The following DAB1 variants were observed in gnomAD, a reference collection of about 807,000 sequenced individuals.
DAB1 encodes the protein DAB adaptor protein 1, also known as disabled homolog 1.
DAB1 carries 15 observed loss-of-function variants against 64.6 expected under a neutral mutation model. The observed-to-expected ratio is 0.23, with a 90% CI of 0.16 to 0.36. The LOEUF is 0.36. DAB1 is among the 10% of genes least tolerant of loss of function. The pLI is 1.00. For missense variants in DAB1, 596 were observed against 706.7 expected (o/e 0.84, Z 1.78); for synonymous variants, 235 against 251.9 (o/e 0.93, Z 0.64).
intron 5 of DAB1, among the ~76,000 whole-genome samples, chr1:58,055,281 A>C (rs1490476195): frequency 6.6e-6 from 1 of 152,100 alleles, no homozygotes; most frequent in Non-Finnish European, 1.5e-5. Flanking sequence ...TTCTTCTCAG[A>C]TGCTCCAGGC....
At chr1:58,348,498 A>T (rs1395657178) in intron 3 of DAB1, among the ~76,000 whole-genome samples, 1 of 152,170 alleles carries the variant, frequency 6.6e-6, no homozygotes, top group African/African-American at 2.4e-5. Context: ...TATGTTTAAG[A>T]CTCAAATTTG....
At chr1:58,379,694 T>TA (rs1644370278) in intron 3 of DAB1, among the ~76,000 whole-genome samples, 1 of 152,244 alleles carries the variant, frequency 6.6e-6, no homozygotes, top group Non-Finnish European at 1.5e-5. Flanking sequence ...AATGAGCTGA[T>TA]AGTCTATAGA....
intron 4 of DAB1, among the ~76,000 whole-genome samples, chr1:58,266,390 C>T (rs1295101717): frequency 6.6e-6 from 1 of 152,202 alleles, no homozygotes; most frequent in African/African-American, 2.4e-5. Flanking sequence ...CTTCTCTCTG[C>T]TGCCAGGAAA....
chr1:57,138,344 A>G (rs923345336), intron 3 of DAB1, among the ~76,000 whole-genome samples: 2 of 152,166 alleles, frequency 1.3e-5, no homozygotes, highest in South Asian at 2.1e-4. Context: ...GGAATTGGTC[A>G]AAGAGCTGAG....
chr1:57,446,826 T>C (rs1018466210), intron 7 of DAB1, among the ~76,000 whole-genome samples: 1 of 152,180 alleles, frequency 6.6e-6, no homozygotes, highest in East Asian at 1.9e-4. Context: ...TTTGTTTCTC[T>C]TGGGGATGAA....
intron 4 of DAB1, among the ~76,000 whole-genome samples, chr1:58,290,324 G>A (rs1661785555): frequency 6.6e-6 from 1 of 152,128 alleles, no homozygotes; most frequent in Admixed American, 6.6e-5. Flanking sequence ...CAAGGTGTGG[G>A]TATTGGAATG....
intron 5 of DAB1, among the ~76,000 whole-genome samples, chr1:57,921,639 C>T (rs1482860008): frequency 6.6e-6 from 1 of 152,098 alleles, no homozygotes; most frequent in Non-Finnish European, 1.5e-5. Flanking sequence ...GCCACCTCTG[C>T]CGCCACCATC....
intron 5 of DAB1, among the ~76,000 whole-genome samples, chr1:58,136,862 G>C (rs1653976387): frequency 6.6e-6 from 1 of 152,212 alleles, no homozygotes; most frequent in African/African-American, 2.4e-5. Context: ...TCACAAGTAG[G>C]TGGGAGAATC....
At chr1:58,392,081 G>A (rs1410637360) in intron 3 of DAB1, among the ~76,000 whole-genome samples, 4 of 152,190 alleles carry the variant, frequency 2.6e-5, no homozygotes, top group Admixed American at 2.6e-4. Context: ...AAAGTCTTTG[G>A]AAGGCTGTTG....
chr1:57,980,822 C>T (rs1036606254), intron 5 of DAB1, among the ~76,000 whole-genome samples: 6 of 151,992 alleles, frequency 3.9e-5, no homozygotes, highest in African/African-American at 1.4e-4. Flanking sequence ...ATAGTTTTTA[C>T]TTAGTCATTC....
At chr1:57,815,900 T>G (rs1012856889) in intron 6 of DAB1, among the ~76,000 whole-genome samples, 1 of 152,196 alleles carries the variant, frequency 6.6e-6, no homozygotes, top group African/African-American at 2.4e-5. Context: ...CATGATCTTT[T>G]AATGTATCCT....
At chr1:57,918,049 C>T (rs1177893603) in intron 5 of DAB1, among the ~76,000 whole-genome samples, 3 of 150,276 alleles carry the variant, frequency 2.0e-5, no homozygotes, top group African/African-American at 7.4e-5. Flanking sequence ...GCCGGGGTGA[C>T]AGAGTGAGAC....
At chr1:58,384,867 C>T (rs775467454) in intron 3 of DAB1, among the ~76,000 whole-genome samples, 1 of 152,252 alleles carries the variant, frequency 6.6e-6, no homozygotes, top group Non-Finnish European at 1.5e-5. Flanking sequence ...CCAATTTCTT[C>T]TGGCTGCTTT....
intron 2 of DAB1, among the ~76,000 whole-genome samples, chr1:57,179,770 A>C (rs772175166): frequency 9.2e-5 from 14 of 152,202 alleles, no homozygotes; most frequent in Non-Finnish European, 1.8e-4. Flanking sequence ...TGAGACAATG[A>C]TTAGCTATTG....
intron 1 of DAB1, among the ~76,000 whole-genome samples, chr1:57,409,191 C>G (rs149840882): frequency 1.3e-5 from 2 of 152,162 alleles, no homozygotes; most frequent in African/African-American, 4.8e-5. Flanking sequence ...GTCTATCATA[C>G]CACAGAGGTA....
chr1:57,337,378 A>G (rs1426941813), intron 1 of DAB1, among the ~76,000 whole-genome samples: 1 of 151,974 alleles, frequency 6.6e-6, no homozygotes, highest in Non-Finnish European at 1.5e-5. Flanking sequence ...CCATCCTTCA[A>G]ACACACAGGG....
At chr1:57,597,669 T>C (rs1485068515) in intron 7 of DAB1, among the ~76,000 whole-genome samples, 1 of 152,276 alleles carries the variant, frequency 6.6e-6, no homozygotes. Flanking sequence ...ACCCTTAGAA[T>C]GGGCCAGCCT....
intron 4 of DAB1, among the ~76,000 whole-genome samples, chr1:57,087,703 C>T (rs1475551506): frequency 1.3e-5 from 2 of 152,220 alleles, no homozygotes; most frequent in Non-Finnish European, 2.9e-5. Context: ...ATTGGAACTC[C>T]TGAAAGGGTT....
intron 7 of DAB1, among the ~76,000 whole-genome samples, chr1:57,616,251 G>C (rs141681554): frequency 4.6e-5 from 7 of 152,294 alleles, no homozygotes; most frequent in African/African-American, 1.7e-4. Flanking sequence ...TTCCTGAGAA[G>C]ACTCTATCTC....
Sources: allele counts gnomAD v4.1 joint callset (sites outside exome capture counted in the v4.1 genomes callset), GRCh38; gene constraint gnomAD v4.1.1; transcripts MANE v1.5; gene names NCBI Gene and HGNC (gene_info 2026-07-23, HGNC 2026-07-21).